Variants in TUBGCP4 observed in about 807,000 individuals in gnomAD.
TUBGCP4 encodes the protein tubulin gamma complex component 4, also known as gamma-tubulin complex component 4.
TUBGCP4 carries 54 observed loss-of-function variants against 91.6 expected under a neutral mutation model. The observed-to-expected ratio is 0.59, with a 90% CI of 0.47 to 0.74. The LOEUF is 0.74. TUBGCP4 is among the 30% of genes least tolerant of loss of function. The pLI is 0.00. For missense variants in TUBGCP4, 593 were observed against 800.9 expected, an observed-to-expected ratio of 0.74 and a Z score of 3.13; for synonymous variants, 297 against 302.8, an observed-to-expected ratio of 0.98 and a Z score of 0.20.
chr15:43,385,940 G>A lies in TUBGCP4; in HGVS notation c.873G>A (p.Val291=). 1 of 1,613,976 alleles carries A rather than the reference G, an allele frequency of 6.2e-7. No individual in the cohort carries two copies. The highest frequency in any genetic ancestry group is 8.5e-7 in the Non-Finnish European group (1 of 1,179,964). ...TCCAGATGTTTGAGAATCAAAATGTGAACCTGACTAGAAAAGGTAGAAATC... is the reference window on the plus strand; with the variant it reads ...TCCAGATGTTTGAGAATCAAAATGTAAACCTGACTAGAAAAGGTAGAAATC... The part of the protein sequence containing the change: ...ESVQMFENQN[V]NLTRKGSILK... Residue 291 remains valine (V), a synonymous_variant, in exon 8 of 18, where the codon GTG becomes GTA. Coordinates refer to ENST00000564079, the MANE Select transcript of TUBGCP4 (RefSeq NM_014444.5).
Position 43,397,242 on chromosome 15 carries a change from A to G in TUBGCP4, c.1200A>G (p.Ala400=), listed in dbSNP as rs1347912327. ...TGAATGTGGCCTTTCAACAGTCAGCACACAAGGTATTGCTAGATGATGACA... is the reference window on the plus strand; with the variant it reads ...TGAATGTGGCCTTTCAACAGTCAGCGCACAAGGTATTGCTAGATGATGACA... ...HDVNVAFQQS[A]HKVLLDDDNL... The change falls in exon 12 of 18, where the codon GCA becomes GCG. Residue 400 remains alanine, a synonymous_variant. Coordinates refer to ENST00000564079, the MANE Select transcript of TUBGCP4 (RefSeq NM_014444.5). 1.9e-6 allele frequency: 3 copies of G among 1,614,186 alleles called. No individual in the cohort carries two copies. The highest frequency in any genetic ancestry group is 1.6e-4 in the Middle Eastern group (1 of 6,062).
Position 43,406,449 on chromosome 15 carries a change from C to CTGT in TUBGCP4, c.*1237_*1239dup, listed in dbSNP as rs1384277430. On this transcript the variant is annotated 3_prime_UTR_variant, in exon 18 of 18. Coordinates refer to ENST00000564079, the MANE Select transcript of TUBGCP4 (RefSeq NM_014444.5). ...GAGCTGGCAAACTATGGCCTGCTGT[C>CTGT]TGTTTTTGTACAGTTTTACTGAAAC... is the stretch of plus-strand genomic sequence containing the variant. 1.7e-5 allele frequency: 6 copies of CTGT among 353,138 alleles called. No homozygotes were observed. The highest frequency in any genetic ancestry group is 3.4e-5 in the Non-Finnish European group (6 of 178,032). 21.9% of individuals were successfully genotyped at this position (353,138 alleles called of 1,614,324 possible).
Position 43,380,083 on chromosome 15 carries a change from G to A in TUBGCP4, c.442-1G>A. ...GTTTGACAAGGCCGTATTTTCCACA[G>A]ATTCATGGTTGTCAAATCCTGGAAA... On this transcript the variant is annotated splice_acceptor_variant, in intron 5 of 17. Coordinates refer to ENST00000564079, the MANE Select transcript of TUBGCP4 (RefSeq NM_014444.5). LOFTEE classifies it high-confidence loss of function. 1 of 1,614,082 alleles carries A rather than the reference G, an allele frequency of 6.2e-7. No individual in the cohort carries two copies. The highest frequency in any genetic ancestry group is 8.5e-7 in the Non-Finnish European group (1 of 1,179,920).
chr15:43,376,440 T>G (rs961618418), intron 2 of TUBGCP4, 63 bp from the exon 3 acceptor site: 60 of 1,613,354 alleles, frequency 3.7e-5, no homozygotes, highest in Non-Finnish European at 4.9e-5. Flanking sequence ...ACAAGCCTGA[T>G]AATGTCTTTC....
In TUBGCP4 at chr15:43,377,917, T is replaced by C; in HGVS notation, c.441+14T>C. On this transcript the variant is annotated intron_variant, in intron 5 of 17. Coordinates refer to ENST00000564079, the MANE Select transcript of TUBGCP4 (RefSeq NM_014444.5). ...AAAAGTCAAAAGGTGAGAACTTTCC[T>C]TATTCCTTTTGCTTTGCTAAGCACT... 1.9e-6 allele frequency: 3 copies of C among 1,587,912 alleles called. No homozygotes were observed. The highest frequency in any genetic ancestry group is 2.6e-6 in the Non-Finnish European group (3 of 1,169,676).
chr15:43,400,864 G>A (rs932551187), intron 14 of TUBGCP4, among the ~76,000 whole-genome samples: 1 of 151,558 alleles, frequency 6.6e-6, no homozygotes, highest in Admixed American at 6.6e-5. Flanking sequence ...GTTGCAGTGA[G>A]CCAAGATCAT....
intron 1 of TUBGCP4, among the ~76,000 whole-genome samples, chr15:43,373,713 A>T (rs576326206): frequency 6.7e-6 from 1 of 150,246 alleles, no homozygotes; most frequent in Non-Finnish European, 1.5e-5. Flanking sequence ...CAGTGGTGCA[A>T]TCTCGGCTCA....
In TUBGCP4 at chr15:43,403,760, G is replaced by A. The variant is rs747539917; in HGVS notation, c.1809G>A (p.Leu603=). 2 of 1,613,954 alleles carry A rather than the reference G, an allele frequency of 1.2e-6. No individual in the cohort carries two copies. The highest frequency in any genetic ancestry group is 1.7e-6 in the Non-Finnish European group (2 of 1,179,996). The change falls in exon 16 of 18, where the codon CTG becomes CTA. Residue 603 remains leucine (L), a synonymous_variant. Coordinates refer to ENST00000564079, the MANE Select transcript of TUBGCP4 (RefSeq NM_014444.5). ...TGGTCAGTCAGAACCTAGGCCCACT[G>A]GATGAGCGTGGAGCCGCCCAGCTGA... ...CSLVSQNLGP[L]DERGAAQLSI...
Position 43,383,402 on chromosome 15 carries a change from G to T in TUBGCP4, c.621G>T (p.Gln207His). ...AGCATGAAGAATTCTTTATCAAACAGGGGCCATCTTCTGGTAATGTCAGTG... is the reference window on the plus strand; with the variant it reads ...AGCATGAAGAATTCTTTATCAAACATGGGCCATCTTCTGGTAATGTCAGTG... Reference protein sequence around the residue: ...LDQHEEFFIKQGPSSGNVSAQ... With the variant: ...LDQHEEFFIKHGPSSGNVSAQ... Residue 207 changes from glutamine (Q) to histidine (H), a missense_variant, in exon 7 of 18, where the codon CAG (glutamine) becomes CAT (histidine). Coordinates refer to ENST00000564079, the MANE Select transcript of TUBGCP4 (RefSeq NM_014444.5). The T allele has an allele frequency of 6.2e-7, 1 of 1,614,146 alleles. No individual in the cohort carries two copies. Among genetic ancestry groups the T allele is most frequent in the Non-Finnish European group, 8.5e-7 (1 of 1,180,026 alleles).
chr15:43,407,799 A>T lies in TUBGCP4; in HGVS notation c.*2585A>T, dbSNP rs1165343723. On this transcript the variant is annotated 3_prime_UTR_variant, in exon 18 of 18. Transcript: ENST00000564079. Reference sequence around the variant, plus strand: ...TCCAGTGCTTCACTTATGTTGACTCACCTCTTGAAGGTGGTACTTTTCTTC... The same window carrying T: ...TCCAGTGCTTCACTTATGTTGACTCTCCTCTTGAAGGTGGTACTTTTCTTC... The T allele has an allele frequency of 2.3e-6, 2 of 884,992 alleles. No individual in the cohort carries two copies. Among genetic ancestry groups the T allele is most frequent in the Non-Finnish European group, 3.5e-6 (2 of 578,068 alleles). The allele number at this position is 884,992 out of a possible 1,614,324, so 54.8% of individuals were successfully genotyped here. A position where few individuals can be genotyped will look rare whatever the true frequency, so the allele number is the denominator to read the frequency against.
At chr15:43,397,914 A>T in intron 12 of TUBGCP4, 127 bp from the exon 13 acceptor site, 1 of 920,528 alleles carries the variant, frequency 1.1e-6, no homozygotes, top group Non-Finnish European at 1.6e-6. Context: ...GTTTCACTGT[A>T]TTGCCCAGAC....
At position 43,408,333 on chromosome 15, in the gene TUBGCP4, T is replaced by G. The variant is rs2044989224; in HGVS notation, c.*3119T>G. On this transcript the variant is annotated 3_prime_UTR_variant, in exon 18 of 18. Coordinates refer to ENST00000564079, the MANE Select transcript of TUBGCP4 (RefSeq NM_014444.5). ...TCTCTACAAAAGACAACAAAAAAAT[T>G]AGCTGGGTGTGGTGGCGAGTGCCTG... 1 of 386,560 alleles carries G rather than the reference T, an allele frequency of 2.6e-6. No individual in the cohort carries two copies. The highest frequency in any genetic ancestry group is 4.8e-6 in the Non-Finnish European group (1 of 210,264). The allele number at this position is 386,560 out of a possible 1,614,324, so 23.9% of individuals were successfully genotyped here. A position where few individuals can be genotyped will look rare whatever the true frequency, so the allele number is the denominator to read the frequency against.
chr15:43,407,237 CATTT>C lies in TUBGCP4; in HGVS notation c.*2028_*2031del, dbSNP rs1408210612. ...AGTTACTACAACCAAAGAGATTCAA[CATTT>C]ATTTTATCATAAAAGTTCAGCAAAT... On this transcript the variant is annotated 3_prime_UTR_variant, in exon 18 of 18. Transcript: ENST00000564079. 1.5e-6 allele frequency: 1 copy of C among 689,030 alleles called. No individual in the cohort carries two copies. The highest frequency in any genetic ancestry group is 1.8e-5 in the African/African-American group (1 of 55,448). The allele number at this position is 689,030 out of a possible 1,614,324, so 42.7% of individuals were successfully genotyped here.
chr15:43,385,083 G>A (rs532925067), intron 7 of TUBGCP4, among the ~76,000 whole-genome samples: 4 of 152,280 alleles, frequency 2.6e-5, no homozygotes, highest in East Asian at 1.9e-4. Flanking sequence ...GCTGGTATGC[G>A]GGGAAGAAGA....
chr15:43,383,258 G>A (rs1363047948), intron 6 of TUBGCP4, 45 bp from the exon 7 acceptor site: 1 of 1,556,116 alleles, frequency 6.4e-7, no homozygotes, highest in South Asian at 1.2e-5. Flanking sequence ...TCCTGTAACA[G>A]TTTAAAGCAT....
intron 9 of TUBGCP4, among the ~76,000 whole-genome samples, chr15:43,390,831 T>C (rs1262641933): frequency 6.6e-6 from 1 of 151,970 alleles, no homozygotes; most frequent in East Asian, 1.9e-4. Flanking sequence ...TAAAAAAAAT[T>C]TGTAGAGACA....
At chr15:43,372,186 T>TA (rs1435750171) in intron 1 of TUBGCP4, among the ~76,000 whole-genome samples, 1 of 152,212 alleles carries the variant, frequency 6.6e-6, no homozygotes, top group African/African-American at 2.4e-5. Flanking sequence ...GTATTGTTTC[T>TA]ACCAGTTAAC....
At chr15:43,376,364 A>G in intron 2 of TUBGCP4, 138 bp downstream of exon 2, 4 of 1,591,490 alleles carry the variant, frequency 2.5e-6, no homozygotes, top group Non-Finnish European at 3.4e-6. Context: ...TGGATTTCTC[A>G]TCACTAGAAA....
Position 43,409,703 on chromosome 15 carries a change from C to G in TUBGCP4, c.*4489C>G. ...CCAGCTCCTGCTCGAAGCTGGGATTCTGTATACTGCTTGTTGAAAGGAGGA... is the reference window on the plus strand; with the variant it reads ...CCAGCTCCTGCTCGAAGCTGGGATTGTGTATACTGCTTGTTGAAAGGAGGA... On this transcript the variant is annotated 3_prime_UTR_variant, in exon 18 of 18. Coordinates refer to ENST00000564079, the MANE Select transcript of TUBGCP4 (RefSeq NM_014444.5). The G allele has an allele frequency of 1.3e-6, 2 of 1,571,196 alleles. No homozygotes were observed. Among genetic ancestry groups the G allele is most frequent in the Non-Finnish European group, 1.7e-6 (2 of 1,161,292 alleles).
Sources: gnomAD v4.1 joint callset for allele counts (sites outside exome capture counted in the v4.1 genomes callset) on GRCh38, gnomAD v4.1.1 for gene constraint, MANE v1.5 for transcripts, NCBI Gene and HGNC (gene_info 2026-07-23, HGNC 2026-07-21) for gene names.